NEAT1: variants seen among roughly 807,000 people sequenced by gnomAD.
NEAT1 encodes nuclear paraspeckle assembly transcript 1.
exon 1 of NEAT1, chr11:65,436,653 A>G (rs546775743): frequency 6.6e-6 from 1 of 152,302 alleles, no homozygotes; most frequent in East Asian, 1.9e-4. Context: ...CTGTTGAGTT[A>G]CTAGTACATC....
chr11:65,437,230 TATATATATAC>T (rs1366152702), exon 1 of NEAT1: 1 of 143,878 alleles, frequency 7.0e-6, no homozygotes, highest in Non-Finnish European at 1.5e-5. Flanking sequence ...TATATATACA[TATATATATAC>T]ATATATATAT....
exon 1 of NEAT1, chr11:65,443,399 C>G (rs1856732996): frequency 6.6e-6 from 1 of 152,264 alleles, no homozygotes; most frequent in Non-Finnish European, 1.5e-5. Flanking sequence ...ACTTAAATAT[C>G]TATGAGGGTT....
At chr11:65,444,216 T>A in exon 1 of NEAT1, 1 of 270,580 alleles carries the variant, frequency 3.7e-6, no homozygotes, top group Non-Finnish European at 7.2e-6. Flanking sequence ...CTTTGAGAGG[T>A]CTGAGGCCTG....
chr11:65,432,441 T>C (rs960453590), exon 1 of NEAT1: 76 of 152,286 alleles, frequency 5.0e-4, no homozygotes, highest in African/African-American at 1.8e-3. Context: ...AAGTCTTTGA[T>C]AAGTCTAATA....
exon 1 of NEAT1, chr11:65,426,410 G>A (rs762831969): frequency 6.6e-6 from 1 of 152,182 alleles, no homozygotes; most frequent in African/African-American, 2.4e-5. Context: ...GTAGATGGTT[G>A]AAAGTACTGG....
At chr11:65,440,160 G>A (rs776896230) in exon 1 of NEAT1, 11 of 151,550 alleles carry the variant, frequency 7.3e-5, no homozygotes, top group African/African-American at 1.5e-4. Context: ...TCTTTTCTGC[G>A]TCTTTTGAGA....
chr11:65,433,968 T>C (rs1282492838), exon 1 of NEAT1: 1 of 152,180 alleles, frequency 6.6e-6, no homozygotes, highest in Non-Finnish European at 1.5e-5. Flanking sequence ...CAAAAGAATC[T>C]GATCTAAATG....
At chr11:65,437,599 GT>G (rs1242823962) in exon 1 of NEAT1, 2 of 152,212 alleles carry the variant, frequency 1.3e-5, no homozygotes, top group East Asian at 3.9e-4. Flanking sequence ...CAGGCTGCAT[GT>G]TTACCTTAAC....
At chr11:65,435,741 G>C (rs1466356010) in exon 1 of NEAT1, 1 of 152,150 alleles carries the variant, frequency 6.6e-6, no homozygotes, top group Non-Finnish European at 1.5e-5. Context: ...GTGGAACTGG[G>C]GTAAAACTGC....
exon 1 of NEAT1, chr11:65,433,765 TG>T (rs1856634222): frequency 6.6e-6 from 1 of 151,838 alleles, no homozygotes; most frequent in Non-Finnish European, 1.5e-5. Flanking sequence ...CAATGGCTTT[TG>T]GGGTACAAAT....
At chr11:65,426,626 T>C (rs1856564766) in exon 1 of NEAT1, 1 of 152,164 alleles carries the variant, frequency 6.6e-6, no homozygotes, top group Non-Finnish European at 1.5e-5. Flanking sequence ...TAGGTCTAGA[T>C]TTGCTAGCTC....
At chr11:65,430,812 T>A (rs1856608143) in exon 1 of NEAT1, 1 of 152,202 alleles carries the variant, frequency 6.6e-6, no homozygotes, top group African/African-American at 2.4e-5. Flanking sequence ...TGTGAGTATA[T>A]GATATCCATT....
chr11:65,431,233 G>A (rs1856611311), exon 1 of NEAT1: 1 of 152,092 alleles, frequency 6.6e-6, no homozygotes, highest in African/African-American at 2.4e-5. Context: ...CTTTTTAAAA[G>A]ATCCAAATAA....
chr11:65,430,652 T>A (rs1436510354), exon 1 of NEAT1: 2 of 152,230 alleles, frequency 1.3e-5, no homozygotes, highest in Non-Finnish European at 2.9e-5. Flanking sequence ...TAAACTGTTT[T>A]GACTACTTTA....
exon 1 of NEAT1, chr11:65,426,285 C>G (rs1460861868): frequency 2.0e-5 from 3 of 152,100 alleles, no homozygotes; most frequent in African/African-American, 7.2e-5. Context: ...CAGTTCTTAA[C>G]CAATGACTTG....
At chr11:65,422,879 CAGGG>C (rs1245202904) in exon 1 of NEAT1, 5 of 150,588 alleles carry the variant, frequency 3.3e-5, no homozygotes, top group East Asian at 1.9e-4. Flanking sequence ...AGGGGACAGA[CAGGG>C]AGAGATGACT....
At chr11:65,443,304 T>A (rs907119636) in exon 1 of NEAT1, 6 of 152,404 alleles carry the variant, frequency 3.9e-5, no homozygotes, top group African/African-American at 1.4e-4. Flanking sequence ...CTGCTTGGGC[T>A]TCACTGTGTC....
chr11:65,443,040 A>G (rs1170221566), exon 1 of NEAT1: 1 of 152,136 alleles, frequency 6.6e-6, no homozygotes, highest in African/African-American at 2.4e-5. Flanking sequence ...ACGTATGATT[A>G]TTTTTATAAA....
exon 1 of NEAT1, chr11:65,428,441 A>C (rs1380163404): frequency 6.6e-6 from 1 of 152,208 alleles, no homozygotes; most frequent in African/African-American, 2.4e-5. Flanking sequence ...CCTTAATGCC[A>C]GGGCTAACCT....
Sources: allele counts gnomAD v4.1 joint callset, GRCh38; gene constraint gnomAD v4.1.1; transcripts MANE v1.5; gene names NCBI Gene and HGNC (gene_info 2026-07-23, HGNC 2026-07-21).